Variants in PACRG observed in about 807,000 individuals in gnomAD.
PACRG encodes the protein parkin coregulated gene protein.
A neutral mutation model predicts 29.7 loss-of-function variants in PACRG; 29 were observed. That is an observed-to-expected ratio of 0.98 (90% CI 0.73 to 1.33). The LOEUF is 1.33. Among genes scored for constraint, PACRG ranks in the 40% most tolerant of loss-of-function variants. The probability of loss-of-function intolerance (pLI) is 0.00; values close to 1 mark genes in which losing one functional copy is unlikely to be tolerated. For synonymous variants in PACRG, 116 were observed against 118.7 expected (o/e 0.98, Z 0.15); for missense variants, 279 against 316.2 (o/e 0.88, Z 0.89).
chr6:163,010,916 A>G (rs1805550901), intron 2 of PACRG, among the ~76,000 whole-genome samples: 1 of 152,210 alleles, frequency 6.6e-6, no homozygotes, highest in African/African-American at 2.4e-5. Context: ...CAGGCACTGC[A>G]GGGTTGCTGA....
chr6:162,921,838 CAGAA>C (rs1342068315), intron 2 of PACRG, among the ~76,000 whole-genome samples: 6 of 152,072 alleles, frequency 3.9e-5, no homozygotes, highest in Non-Finnish European at 7.3e-5. Flanking sequence ...TGAAGGAAAA[CAGAA>C]AGCAGAGAGT....
Position 163,066,072 on chromosome 6 carries a change from G to A in PACRG, c.463+3751G>A, listed in dbSNP as rs184929789. On this transcript the variant is annotated intron_variant, in intron 3 of 4. Transcript: ENST00000366888. ...GGAAAAATTATCTCTTATTACGCAG[G>A]TAGAAAATACTTGCAGCAATCTAAA... Among the ~76,000 whole-genome samples, 23 of 152,270 alleles carry A rather than the reference G, an allele frequency of 1.5e-4. No individual in the cohort carries two copies. In the East Asian group the frequency reaches 4.4e-3, roughly 29 times the overall value.
chr6:163,292,356 G>A (rs1784640617), intron 4 of PACRG, among the ~76,000 whole-genome samples: 1 of 152,144 alleles, frequency 6.6e-6, no homozygotes, highest in Admixed American at 6.6e-5. Context: ...AAGAAATTCA[G>A]AATGGAGGAG....
At chr6:163,042,820 G>A (rs1446013123) in intron 2 of PACRG, 1 of 152,006 alleles carries the variant, frequency 6.6e-6, no homozygotes, top group Admixed American at 6.5e-5. Flanking sequence ...AACTTGTCAA[G>A]GTTTAGTTGA....
At chr6:163,063,269 C>A (rs555484860) in intron 3 of PACRG, among the ~76,000 whole-genome samples, 5 of 152,184 alleles carry the variant, frequency 3.3e-5, no homozygotes, top group South Asian at 2.1e-4. Context: ...GGCACTTTCA[C>A]CCCCTGGATC....
In PACRG at chr6:162,777,458, CTAAG is replaced by C. The variant is rs1338766924; in HGVS notation, c.157-36687_157-36684del. ...TCCCATCACACCATCCCAAATTCTA[CTAAG>C]TGTCAGACCAGGCCATGCTACCCTG... On this transcript the variant is annotated intron_variant, in intron 1 of 4. Coordinates refer to ENST00000366888, the MANE Select transcript of PACRG (RefSeq NM_001080379.2). The surrounding 1 kb of genome is among the most constrained non-coding windows in gnomAD (Gnocchi z 4.0). 1.3e-5 allele frequency among the ~76,000 whole-genome samples: 2 copies of C among 152,218 alleles called. No individual in the cohort carries two copies. The highest frequency in any genetic ancestry group is 2.9e-5 in the Non-Finnish European group (2 of 68,038).
chr6:163,144,558 C>T (rs1316744816), intron 4 of PACRG, among the ~76,000 whole-genome samples: 1 of 152,134 alleles, frequency 6.6e-6, no homozygotes, highest in East Asian at 1.9e-4. Flanking sequence ...CACCTGAGGT[C>T]AGGAGTTCGA....
rs75409101 is a variant in PACRG at position 163,115,574 on chromosome 6, G to A, written c.613+26166G>A. Among the ~76,000 whole-genome samples, 1,121 of 151,206 alleles carry A rather than the reference G, an allele frequency of 7.4e-3. 15 individuals are homozygous for A. The highest frequency in any genetic ancestry group is 0.027 in the African/African-American group (1,086 of 40,954). On this transcript the variant is annotated intron_variant, in intron 4 of 4. Transcript: ENST00000366888. Reference sequence around the variant, plus strand: ...AGTTTGTGTGAAAGATTATACATGAGTGAGGAAACAACAGGGCCAAACCTG... The same window carrying A: ...AGTTTGTGTGAAAGATTATACATGAATGAGGAAACAACAGGGCCAAACCTG...
chr6:163,174,985 G>A (rs1182563160), intron 4 of PACRG, among the ~76,000 whole-genome samples: 2 of 152,164 alleles, frequency 1.3e-5, no homozygotes, highest in African/African-American at 2.4e-5. Context: ...TAGCAGAGTC[G>A]AAATATCAAC....
At chr6:162,946,139 G>A (rs184771153) in intron 2 of PACRG, among the ~76,000 whole-genome samples, 1 of 150,708 alleles carries the variant, frequency 6.6e-6, no homozygotes, top group Non-Finnish European at 1.5e-5. Context: ...ACTAGTAGAA[G>A]GAAAGAAATA....
At position 163,247,950 on chromosome 6, in the gene PACRG, C is replaced by T. The variant is rs539231676; in HGVS notation, c.614-66877C>T. Among the ~76,000 whole-genome samples the T allele has an allele frequency of 5.9e-5, 9 of 152,278 alleles. 1 individual carries two copies. The South Asian group carries it at 1.2e-3, about 21-fold the overall frequency. ...AAGATACACTTCTGTAACATTGGCACGGTAGAGACACAACTGCATGTTGAC... is the reference window on the plus strand; with the variant it reads ...AAGATACACTTCTGTAACATTGGCATGGTAGAGACACAACTGCATGTTGAC... On this transcript the variant is annotated intron_variant, in intron 4 of 4. Transcript: ENST00000366888.
intron 4 of PACRG, among the ~76,000 whole-genome samples, chr6:163,197,070 C>T (rs995163037): frequency 1.1e-4 from 17 of 152,086 alleles, no homozygotes; most frequent in African/African-American, 3.9e-4. Context: ...AAGAAGAACT[C>T]GTGGTCATTT....
At chr6:162,767,061 C>T (rs5028777) in intron 1 of PACRG, among the ~76,000 whole-genome samples, 1 of 152,030 alleles carries the variant, frequency 6.6e-6, no homozygotes, top group African/African-American at 2.4e-5. Context: ...CACACGGAGT[C>T]TATGATATTG....
At chr6:162,902,087 A>C (rs1795601410) in intron 2 of PACRG, among the ~76,000 whole-genome samples, 1 of 152,220 alleles carries the variant, frequency 6.6e-6, no homozygotes, top group Non-Finnish European at 1.5e-5. Flanking sequence ...TTTGACAAGA[A>C]GATTCTTACT....
At chr6:163,245,113 A>G (rs1337453970) in intron 4 of PACRG, 1 of 435,896 alleles carries the variant, frequency 2.3e-6, no homozygotes, top group African/African-American at 2.0e-5. Context: ...TATGAATGTC[A>G]CACATTTCAT....
chr6:162,765,392 C>G (rs1782701885), intron 1 of PACRG, among the ~76,000 whole-genome samples: 1 of 152,058 alleles, frequency 6.6e-6, no homozygotes, highest in Admixed American at 6.6e-5. Flanking sequence ...ACCCCCTTTC[C>G]TCGCCCCCAA....
At chr6:163,266,527 G>T (rs1461737032) in intron 4 of PACRG, among the ~76,000 whole-genome samples, 39 of 152,194 alleles carry the variant, frequency 2.6e-4, no homozygotes, top group Admixed American at 2.6e-3. Flanking sequence ...GAAGCCAGAT[G>T]GGGCCAGGAT....
intron 2 of PACRG, among the ~76,000 whole-genome samples, chr6:162,995,275 C>G (rs373086547): frequency 4.1e-5 from 6 of 147,958 alleles, no homozygotes; most frequent in Admixed American, 3.3e-4. Flanking sequence ...CCACCCAGTT[C>G]GAGCTTCCCG....
At chr6:162,898,974 A>G (rs1795360596) in intron 2 of PACRG, among the ~76,000 whole-genome samples, 1 of 152,226 alleles carries the variant, frequency 6.6e-6, no homozygotes, top group African/African-American at 2.4e-5. Context: ...TCTAATATGA[A>G]CACTTATAAA....
Sources: allele counts gnomAD v4.1 joint callset (sites outside exome capture counted in the v4.1 genomes callset), GRCh38; gene constraint gnomAD v4.1.1; non-coding constraint Gnocchi (gnomAD v3.1); transcripts MANE v1.5; gene names NCBI Gene and HGNC (gene_info 2026-07-23, HGNC 2026-07-21).